The following DUX4 variants were observed in gnomAD, a reference collection of about 807,000 sequenced individuals.
DUX4 encodes double homeobox protein 4.
downstream of DUX4, among the ~76,000 whole-genome samples, chr4:190,178,514 A>T (rs1579834323): frequency 6.6e-6 from 1 of 152,182 alleles, no homozygotes; most frequent in Non-Finnish European, 1.5e-5. Context: ...GATCCTAGAC[A>T]AGAGTTGCAT....
chr4:190,177,539 T>TTGGACAAGCGTTACATCCCTCTTC (rs1742373439), downstream of DUX4, among the ~76,000 whole-genome samples: 1 of 118,560 alleles, frequency 8.4e-6, no homozygotes, highest in Non-Finnish European at 1.8e-5. Flanking sequence ...AATTCCCCTT[T>TTGGACAAGCGTTACATCCCTCTTC]AGGCACAGCT....
chr4:190,179,306 T>TACCACTGTAGGCAGA (rs1742486212), downstream of DUX4, among the ~76,000 whole-genome samples: 3 of 41,690 alleles, frequency 7.2e-5, no homozygotes, highest in Admixed American at 2.7e-4. Context: ...TATGTCACAA[T>TACCACTGTAGGCAGA]GCCACTGTAG....
chr4:190,176,222 A>T (rs1159325915), downstream of DUX4, among the ~76,000 whole-genome samples: 2 of 113,532 alleles, frequency 1.8e-5, no homozygotes, highest in Non-Finnish European at 4.1e-5. Flanking sequence ...GTGGAAATAT[A>T]TATCACAAAG....
downstream of DUX4, among the ~76,000 whole-genome samples, chr4:190,179,517 T>C (rs1742500753): frequency 2.2e-5 from 3 of 135,620 alleles, no homozygotes; most frequent in Non-Finnish European, 5.1e-5. Flanking sequence ...ACAAGCCCCC[T>C]GTAGGCAGAG....
chr4:190,177,547 GC>G (rs1742374475), downstream of DUX4, among the ~76,000 whole-genome samples: 1 of 129,584 alleles, frequency 7.7e-6, no homozygotes, highest in South Asian at 2.5e-4. Context: ...TTTAGGCACA[GC>G]TTAGACAAGC....
At chr4:190,178,956 A>ATGT, downstream of DUX4, among the ~76,000 whole-genome samples, 1 of 136,090 alleles carries the variant, frequency 7.3e-6, no homozygotes, top group South Asian at 2.4e-4. Context: ...GTGCAGAAAT[A>ATGT]CGTCACAATG....
chr4:190,176,829 C>T (rs1742323846), downstream of DUX4, among the ~76,000 whole-genome samples: 5 of 136,100 alleles, frequency 3.7e-5, no homozygotes, highest in Non-Finnish European at 5.0e-5. Context: ...GAGATCAGTG[C>T]ATAGATATGT....
At position 190,175,751 on chromosome 4, in the gene DUX4, C is replaced by A; in HGVS notation, c.*341C>A. On this transcript the variant is annotated 3_prime_UTR_variant, in exon 2 of 2. Coordinates refer to ENST00000565211, the MANE Select transcript of DUX4 (RefSeq NM_001306068.3). ...CTGGCTGAATGTCTCCCCCCACCTT[C>A]CGACGCTGTCTAGGCAAACCTGGAT... The A allele has an allele frequency of 6.3e-6, 1 of 159,040 alleles. No homozygotes were observed. Among genetic ancestry groups the A allele is most frequent in the Non-Finnish European group, 1.2e-5 (1 of 82,778 alleles). 9.9% of individuals were successfully genotyped at this position (159,040 alleles called of 1,614,324 possible).
At chr4:190,179,439 CA>C (rs1742492652), downstream of DUX4, among the ~76,000 whole-genome samples, 18 of 125,622 alleles carry the variant, frequency 1.4e-4, no homozygotes, top group East Asian at 5.3e-4. Flanking sequence ...GGATATGTCA[CA>C]AAGCACCCTG....
downstream of DUX4, among the ~76,000 whole-genome samples, chr4:190,176,000 G>A (rs1173681193): frequency 3.6e-5 from 4 of 110,274 alleles, 1 homozygote; most frequent in Admixed American, 2.3e-4. Flanking sequence ...ACATCACTTA[G>A]GTGATCAGTG....
chr4:190,181,567 GT>G (rs1742582727), intron 1 of DUX4, among the ~76,000 whole-genome samples: 1 of 11,674 alleles, frequency 8.6e-5, no homozygotes, highest in Non-Finnish European at 1.7e-4. Flanking sequence ...ACTATGCCCC[GT>G]AGGCAGAGCC....
chr4:190,178,140 C>T (rs2126571862), downstream of DUX4, among the ~76,000 whole-genome samples: 7 of 152,126 alleles, frequency 4.6e-5, no homozygotes, highest in Admixed American at 1.3e-4. Context: ...AGAGTGATGT[C>T]ACAACGCCCT....
intron 1 of DUX4, among the ~76,000 whole-genome samples, 164 bp from the exon 2 acceptor site, chr4:190,175,483 C>A (rs1232546945): frequency 2.8e-5 from 1 of 35,530 alleles, no homozygotes; most frequent in Non-Finnish European, 7.7e-5. Flanking sequence ...CACCGGGCCC[C>A]GCGCAGCGTC....
chr4:190,176,739 C>T (rs1742319289), downstream of DUX4, among the ~76,000 whole-genome samples: 1 of 100,520 alleles, frequency 9.9e-6, no homozygotes, highest in Non-Finnish European at 2.3e-5. Flanking sequence ...AGACAAGCGT[C>T]CATCACCTGG....
At chr4:190,176,156 C>G (rs1482937416), downstream of DUX4, among the ~76,000 whole-genome samples, 2,322 of 107,532 alleles carry the variant, frequency 0.022, 323 homozygotes, top group African/African-American at 0.058. Context: ...GCAGAGATAT[C>G]TCACAAAGCC....
chr4:190,178,562 CCCT>C (rs1742433145), downstream of DUX4, among the ~76,000 whole-genome samples: 1 of 88,806 alleles, frequency 1.1e-5, no homozygotes, highest in African/African-American at 6.2e-5. Flanking sequence ...TCACAACGCC[CCCT>C]GTAGGCAGAG....
At chr4:190,178,000 T>A (rs1579833607), downstream of DUX4, among the ~76,000 whole-genome samples, 1,595 of 119,058 alleles carry the variant, frequency 0.013, no homozygotes, top group East Asian at 0.028. Flanking sequence ...GGCAGAGATA[T>A]GTCACAATGC....
At chr4:190,176,302 C>T (rs1199727148), downstream of DUX4, among the ~76,000 whole-genome samples, 45 of 114,262 alleles carry the variant, frequency 3.9e-4, 8 homozygotes, top group East Asian at 2.2e-3. Context: ...TGTCACAATG[C>T]CCCTGTAGGC....
downstream of DUX4, among the ~76,000 whole-genome samples, chr4:190,177,145 A>C (rs1742344693): frequency 2.0e-4 from 30 of 148,342 alleles, no homozygotes; most frequent in South Asian, 4.3e-4. Context: ...GAGAGTGGAC[A>C]AGAGTTACAT....
Sources: allele counts gnomAD v4.1 joint callset (sites outside exome capture counted in the v4.1 genomes callset), GRCh38; gene constraint gnomAD v4.1.1; transcripts MANE v1.5; gene names NCBI Gene and HGNC (gene_info 2026-07-23, HGNC 2026-07-21).